CLIC4: variants seen among roughly 807,000 people sequenced by gnomAD.
The protein encoded by CLIC4 is chloride intracellular channel protein 4.
In CLIC4, 13 loss-of-function variants were observed where a neutral mutation model predicts 24.6. The observed-to-expected ratio is 0.53, with a 90% CI of 0.34 to 0.84. The LOEUF (loss-of-function observed/expected upper bound fraction) is 0.84. Among genes scored for constraint, CLIC4 ranks in the 40% least tolerant of loss-of-function variants. The probability of loss-of-function intolerance (pLI) is 0.01; values close to 1 mark genes in which losing one functional copy is unlikely to be tolerated. For missense variants in CLIC4, 227 were observed against 301.7 expected, an observed-to-expected ratio of 0.75 and a Z score of 1.83; for synonymous variants, 104 against 111.3, an observed-to-expected ratio of 0.93 and a Z score of 0.41.
chr1:24,839,920 T>C lies in CLIC4; in HGVS notation c.476T>C (p.Leu159Pro), dbSNP rs1639925248. 6.2e-7 allele frequency: 1 copy of C among 1,612,946 alleles called. No individual in the cohort carries two copies. Among genetic ancestry groups the C allele is most frequent in the Admixed American group, 1.7e-5 (1 of 59,990 alleles). The change falls in exon 5 of 6, where the codon CTC becomes CCC. Residue 159 changes from leucine (L) to proline (P), a missense_variant. Transcript: ENST00000374379. ...CTGGATGAATATCTGAATTCTCCTC[T>C]CCCTGATGAAATTGATGAAAATAGT... ...QKLDEYLNSP[L>P]PDEIDENSME...
intron 1 of CLIC4, among the ~76,000 whole-genome samples, chr1:24,790,890 C>T (rs367648810): frequency 2.0e-5 from 3 of 152,094 alleles, no homozygotes; most frequent in Non-Finnish European, 4.4e-5. Context: ...TAGTATGGGC[C>T]GGGCGTGGTG....
intron 1 of CLIC4, among the ~76,000 whole-genome samples, chr1:24,773,056 A>G (rs911703907): frequency 2.0e-5 from 3 of 152,168 alleles, no homozygotes; most frequent in African/African-American, 7.2e-5. Context: ...ATGTCAAGCA[A>G]TTGTGTTTTA....
chr1:24,819,692 G>A (rs1018306458), intron 3 of CLIC4, among the ~76,000 whole-genome samples: 3 of 151,770 alleles, frequency 2.0e-5, no homozygotes, highest in Non-Finnish European at 2.9e-5. Flanking sequence ...ACCCGCCTCG[G>A]CCTCCCAGAG....
chr1:24,770,538 G>T (rs1319958265), intron 1 of CLIC4, among the ~76,000 whole-genome samples: 1 of 152,070 alleles, frequency 6.6e-6, no homozygotes, highest in East Asian at 1.9e-4. Context: ...CTTATAGTCT[G>T]CCTGCCTTTG....
chr1:24,840,243 TA>T (rs1221172732), intron 5 of CLIC4, among the ~76,000 whole-genome samples: 6 of 152,224 alleles, frequency 3.9e-5, no homozygotes, highest in African/African-American at 9.6e-5. Context: ...GAAAGATGAA[TA>T]TTTTTTTTTC....
chr1:24,786,913 A>T (rs141818617), intron 1 of CLIC4, among the ~76,000 whole-genome samples: 1 of 151,238 alleles, frequency 6.6e-6, no homozygotes, highest in African/African-American at 2.4e-5. Flanking sequence ...CCACCGTGCC[A>T]GGCCAATTTT....
intron 3 of CLIC4, among the ~76,000 whole-genome samples, chr1:24,814,825 A>G (rs1639652518): frequency 6.6e-6 from 1 of 152,228 alleles, no homozygotes; most frequent in African/African-American, 2.4e-5. Flanking sequence ...GATTCAAAGC[A>G]TTATTTGTTT....
intron 3 of CLIC4, among the ~76,000 whole-genome samples, chr1:24,821,139 C>T (rs565219435): frequency 6.6e-6 from 1 of 151,620 alleles, no homozygotes; most frequent in East Asian, 1.9e-4. Flanking sequence ...GAGCTGAGAT[C>T]ATGCCACTGC....
At chr1:24,757,837 G>T (rs1167672863) in intron 1 of CLIC4, among the ~76,000 whole-genome samples, 2 of 151,072 alleles carry the variant, frequency 1.3e-5, no homozygotes, top group African/African-American at 4.9e-5. Context: ...GTGCAATCAC[G>T]GCTCACTGCA....
intron 1 of CLIC4, among the ~76,000 whole-genome samples, chr1:24,761,596 C>T (rs1382281211): frequency 6.6e-6 from 1 of 152,122 alleles, no homozygotes; most frequent in African/African-American, 2.4e-5. Context: ...GAATTTTGTC[C>T]TTAGTAGAAA....
intron 1 of CLIC4, among the ~76,000 whole-genome samples, chr1:24,754,290 T>C (rs906059791): frequency 1.3e-5 from 2 of 151,990 alleles, no homozygotes; most frequent in Non-Finnish European, 2.9e-5. Flanking sequence ...AAAGAGGCAA[T>C]TGGGAGAAGA....
At chr1:24,819,538 G>A (rs1272204492) in intron 3 of CLIC4, among the ~76,000 whole-genome samples, 1 of 149,906 alleles carries the variant, frequency 6.7e-6, no homozygotes, top group East Asian at 2.0e-4. Flanking sequence ...GTCAGGTTCA[G>A]GAGATTCTCC....
intron 1 of CLIC4, among the ~76,000 whole-genome samples, chr1:24,785,165 C>T (rs1368268597): frequency 6.7e-6 from 1 of 148,676 alleles, no homozygotes; most frequent in Non-Finnish European, 1.5e-5. Context: ...GATTTTTTTC[C>T]CTTCTCTCCT....
intron 3 of CLIC4, among the ~76,000 whole-genome samples, chr1:24,823,812 T>C (rs1406128132): frequency 6.6e-6 from 1 of 151,178 alleles, no homozygotes; most frequent in Non-Finnish European, 1.5e-5. Flanking sequence ...AAAAGGAATT[T>C]ACAAGGCTAA....
intron 1 of CLIC4, among the ~76,000 whole-genome samples, chr1:24,756,823 C>T (rs1006160383): frequency 1.3e-5 from 2 of 151,754 alleles, no homozygotes; most frequent in Admixed American, 6.6e-5. Flanking sequence ...CGGGTTCAAG[C>T]GATTCTTCTG....
chr1:24,793,657 T>G (rs994918524), intron 1 of CLIC4, among the ~76,000 whole-genome samples: 1 of 152,200 alleles, frequency 6.6e-6, no homozygotes. Context: ...ATATGATTCA[T>G]TCTGCCCTCA....
At position 24,761,916 on chromosome 1, in the gene CLIC4, G is replaced by A. The variant is rs1571231691; in HGVS notation, c.72+16291G>A. On this transcript the variant is annotated intron_variant, in intron 1 of 5. Coordinates refer to ENST00000374379, the MANE Select transcript of CLIC4 (RefSeq NM_013943.3). ...TTAGAGCCACTGGTCAAGAGTTGCC[G>A]TTCATGGAGAGGGAGGAGGAGCAGA... is the stretch of plus-strand genomic sequence containing the variant. Among the ~76,000 whole-genome samples the A allele has an allele frequency of 3.9e-5, 6 of 152,112 alleles. No homozygotes were observed. In the South Asian group the frequency reaches 6.2e-4, roughly 16 times the overall value.
chr1:24,838,349 A>C (rs1297225990), intron 4 of CLIC4, among the ~76,000 whole-genome samples: 2 of 151,754 alleles, frequency 1.3e-5, no homozygotes, highest in Non-Finnish European at 2.9e-5. Context: ...TGGTTTCTGA[A>C]CTCTGTTAGT....
At position 24,840,853 on chromosome 1, in the gene CLIC4, T is replaced by C; in HGVS notation, c.678T>C (p.Ser226=). The C allele has an allele frequency of 2.5e-6, 4 of 1,613,054 alleles. No individual in the cohort carries two copies. Among genetic ancestry groups the C allele is most frequent in the Non-Finnish European group, 3.4e-6 (4 of 1,179,434 alleles). Residue 226 remains serine (S), a synonymous_variant, in exon 6 of 6, where the codon AGT becomes AGC. Coordinates refer to ENST00000374379, the MANE Select transcript of CLIC4 (RefSeq NM_013943.3). ...GGAGATACCTAACTAATGCATACAG[T>C]AGGGACGAGTTCACCAATACCTGTC... The part of the protein sequence containing the change: ...GIWRYLTNAY[S]RDEFTNTCPS...
Sources: gnomAD v4.1 joint callset for allele counts (sites outside exome capture counted in the v4.1 genomes callset) on GRCh38, gnomAD v4.1.1 for gene constraint, MANE v1.5 for transcripts, NCBI Gene and HGNC (gene_info 2026-07-23, HGNC 2026-07-21) for gene names.